STK39: variants seen among roughly 807,000 people sequenced by gnomAD.
STK39 encodes the protein serine/threonine kinase 39.
A neutral mutation model predicts 77.8 loss-of-function variants in STK39; 20 were observed. That is an observed-to-expected ratio of 0.26 (90% confidence interval 0.18 to 0.37). STK39 has a LOEUF of 0.37. STK39 is among the 10% of genes least tolerant of loss of function. The probability of loss-of-function intolerance (pLI) is 1.00; values close to 1 mark genes in which losing one functional copy is unlikely to be tolerated. For synonymous variants in STK39, 246 were observed against 234.1 expected (o/e 1.05, Z -0.47); for missense variants, 479 against 656.5 (o/e 0.73, Z 2.95).
chr2:168,219,992 G>A (rs1270723053), intron 1 of STK39, among the ~76,000 whole-genome samples: 1 of 151,602 alleles, frequency 6.6e-6, no homozygotes, highest in Admixed American at 6.6e-5. Flanking sequence ...ATGAGGTACT[G>A]TCCAAGGAAA....
chr2:168,073,908 G>A (rs1338801586), intron 12 of STK39, among the ~76,000 whole-genome samples: 1 of 152,056 alleles, frequency 6.6e-6, no homozygotes, highest in Non-Finnish European at 1.5e-5. Context: ...GTGAGCCACC[G>A]CACCTGGCCA....
At chr2:168,001,368 A>G (rs1020875458) in intron 16 of STK39, among the ~76,000 whole-genome samples, 4 of 152,102 alleles carry the variant, frequency 2.6e-5, no homozygotes, top group African/African-American at 9.7e-5. Flanking sequence ...ACAAGTTTCT[A>G]AATCTATCGG....
At chr2:168,044,760 G>T (rs2105357239) in intron 14 of STK39, among the ~76,000 whole-genome samples, 1 of 152,284 alleles carries the variant, frequency 6.6e-6, no homozygotes, top group African/African-American at 2.4e-5. Flanking sequence ...GCAGTGGAAG[G>T]AGAGGCCAAC....
chr2:168,068,019 T>C (rs1039403811), intron 12 of STK39, among the ~76,000 whole-genome samples: 9 of 151,796 alleles, frequency 5.9e-5, no homozygotes, highest in Non-Finnish European at 8.8e-5. Flanking sequence ...GGCAAGAGAG[T>C]GTGTGCAGGA....
intron 16 of STK39, among the ~76,000 whole-genome samples, chr2:167,995,905 C>A (rs559187869): frequency 6.6e-6 from 1 of 152,294 alleles, no homozygotes; most frequent in South Asian, 2.1e-4. Context: ...AGCTTCATGT[C>A]CTGCAGCCCA....
At chr2:168,183,465 A>G (rs972298595) in intron 1 of STK39, among the ~76,000 whole-genome samples, 1 of 152,170 alleles carries the variant, frequency 6.6e-6, no homozygotes, top group East Asian at 1.9e-4. Context: ...CATAGAGCTA[A>G]TAAGTACCTG....
chr2:168,226,883 A>T (rs927567032), intron 1 of STK39, among the ~76,000 whole-genome samples: 2 of 152,242 alleles, frequency 1.3e-5, no homozygotes, highest in African/African-American at 4.8e-5. Flanking sequence ...AAAAACTTGG[A>T]AACAATCAAT....
At chr2:168,103,101 A>G (rs1686878903) in intron 10 of STK39, among the ~76,000 whole-genome samples, 1 of 152,100 alleles carries the variant, frequency 6.6e-6, no homozygotes, top group Non-Finnish European at 1.5e-5. Context: ...GTCTACCTTG[A>G]GCAAGTATAC....
chr2:168,047,756 T>C (rs1685281968), intron 14 of STK39, among the ~76,000 whole-genome samples: 1 of 152,198 alleles, frequency 6.6e-6, no homozygotes, highest in Non-Finnish European at 1.5e-5. Context: ...TTTGCTTTCT[T>C]ACCCAGGGCA....
Position 168,010,698 on chromosome 2 carries a change from T to C in STK39, c.1498+1936A>G, listed in dbSNP as rs184816867. 1.4e-3 allele frequency among the ~76,000 whole-genome samples: 217 copies of C among 152,238 alleles called. 1 individual carries two copies. Among genetic ancestry groups the C allele is most frequent in the Non-Finnish European group, 2.5e-3 (169 of 68,022 alleles). On this transcript the variant is annotated intron_variant, in intron 16 of 17. Transcript: ENST00000355999. ...ATGTGTAGAGTTAATGTATAATCAG[T>C]AGGAAAAAATCTGTTTTTTTCTAAT... is the stretch of plus-strand genomic sequence containing the variant.
At chr2:168,076,085 T>C (rs1686070319) in intron 10 of STK39, among the ~76,000 whole-genome samples, 1 of 152,152 alleles carries the variant, frequency 6.6e-6, no homozygotes, top group African/African-American at 2.4e-5. Flanking sequence ...TAAGATGTAA[T>C]TAAACAAAGC....
chr2:168,147,315 A>T (rs1016735102), intron 5 of STK39, among the ~76,000 whole-genome samples: 1 of 152,208 alleles, frequency 6.6e-6, no homozygotes, highest in Admixed American at 6.5e-5. Flanking sequence ...ACACCCGGGA[A>T]CATTTTCAGG....
intron 14 of STK39, among the ~76,000 whole-genome samples, chr2:168,048,263 A>G (rs564486586): frequency 6.6e-6 from 1 of 151,544 alleles, no homozygotes; most frequent in African/African-American, 2.4e-5. Context: ...CCCAGGCTGA[A>G]GTATAATGGC....
chr2:168,129,591 T>G lies in STK39; in HGVS notation c.1039A>C (p.Ile347Leu). The G allele has an allele frequency of 6.2e-7, 1 of 1,614,058 alleles. No individual in the cohort carries two copies. The highest frequency in any genetic ancestry group is 8.5e-7 in the Non-Finnish European group (1 of 1,179,932). Residue 347 changes from isoleucine to leucine, a missense_variant, in exon 10 of 18, where the codon ATT becomes CTT. Around this residue, in one of 3 missense-constraint regions of STK39, gnomAD observed 244 missense variants for 296.8 expected, o/e 0.82. Coordinates refer to ENST00000355999, the MANE Select transcript of STK39 (RefSeq NM_013233.3). The stretch of plus-strand genomic sequence containing the variant: ...GGTGTTCTTGTAAGCAGCTTCTCAA[T>G]CAGGTACTCTCTGTTCTGCAAAACA... Reference protein sequence around the residue: ...FQKAKNREYLIEKLLTRTPDI... With the variant: ...FQKAKNREYLLEKLLTRTPDI...
intron 16 of STK39, among the ~76,000 whole-genome samples, chr2:167,988,914 C>T (rs891040681): frequency 1.3e-5 from 2 of 152,146 alleles, no homozygotes; most frequent in African/African-American, 4.8e-5. Flanking sequence ...AATGATAGAT[C>T]GAGAGCAATC....
At chr2:168,032,214 G>A (rs1013176609) in intron 14 of STK39, among the ~76,000 whole-genome samples, 23 of 152,258 alleles carry the variant, frequency 1.5e-4, no homozygotes, top group South Asian at 1.2e-3. Context: ...TATTTCAAAC[G>A]CTCAAAACAT....
rs546617030 is a variant in STK39, at chr2:168,217,394, T to A, written c.208+29834A>T. Among the ~76,000 whole-genome samples, 33 of 152,362 alleles carry A rather than the reference T, an allele frequency of 2.2e-4. 1 individual carries two copies. In the South Asian group the frequency reaches 6.8e-3, roughly 32 times the overall value. On this transcript the variant is annotated intron_variant, in intron 1 of 17. Transcript: ENST00000355999. ...GGACGGGGAATACTCTGTTTCTTTA[T>A]CGTAACCTTTATTACCTTCCTATAC...
chr2:168,065,792 GT>G (rs1685777233), intron 12 of STK39, among the ~76,000 whole-genome samples: 1 of 152,134 alleles, frequency 6.6e-6, no homozygotes, highest in African/African-American at 2.4e-5. Context: ...ATGAAAAGAC[GT>G]TGGGGTTAAT....
chr2:167,960,485 C>CA (rs377726934), intron 17 of STK39, among the ~76,000 whole-genome samples: 4 of 152,142 alleles, frequency 2.6e-5, no homozygotes, highest in Non-Finnish European at 5.9e-5. Flanking sequence ...CAGGCCCAGC[C>CA]AAAAAACCCT....
Sources: allele counts gnomAD v4.1 joint callset (sites outside exome capture counted in the v4.1 genomes callset), GRCh38; gene constraint gnomAD v4.1.1; regional missense constraint gnomAD v4.1.1; transcripts MANE v1.5; gene names NCBI Gene and HGNC (gene_info 2026-07-23, HGNC 2026-07-21).